URI1: variants seen among roughly 807,000 people sequenced by gnomAD.
The protein encoded by URI1 is URI1 prefoldin like chaperone.
A neutral mutation model predicts 60.2 loss-of-function variants in URI1; 39 were observed. The observed-to-expected ratio is 0.65, with a 90% CI of 0.50 to 0.85. URI1 has a LOEUF of 0.85. Among genes scored for constraint, URI1 ranks in the 40% least tolerant of loss-of-function variants. The pLI is 0.00. For missense variants in URI1, 691 were observed against 665.9 expected (o/e 1.04, Z -0.42); for synonymous variants, 251 against 236.8 (o/e 1.06, Z -0.55).
At chr19:29,995,621 A>G (rs976258991) in intron 4 of URI1, among the ~76,000 whole-genome samples, 4 of 150,358 alleles carry the variant, frequency 2.7e-5, no homozygotes, top group African/African-American at 9.7e-5. Flanking sequence ...ATGCACAAAA[A>G]TTTTTAATTT....
At chr19:29,948,782 C>T (rs1469702477) in intron 1 of URI1, among the ~76,000 whole-genome samples, 1 of 152,186 alleles carries the variant, frequency 6.6e-6, no homozygotes, top group Non-Finnish European at 1.5e-5. Context: ...TTATCTTTTC[C>T]CCACATTTCC....
intron 2 of URI1, among the ~76,000 whole-genome samples, chr19:29,977,558 CTTTTTTTTT>C (rs749382980): frequency 9.8e-5 from 11 of 112,594 alleles, no homozygotes; most frequent in East Asian, 7.6e-4. Flanking sequence ...GTTATTTTTT[CTTTTTTTTT>C]TTTTTTTTCC....
chr19:29,962,708 T>A (rs773476516), intron 1 of URI1, among the ~76,000 whole-genome samples: 11 of 152,108 alleles, frequency 7.2e-5, no homozygotes, highest in Non-Finnish European at 1.5e-4. Flanking sequence ...CGATCACACT[T>A]ATTTAATAAC....
intron 4 of URI1, chr19:30,004,196 A>C (rs2055911757): frequency 6.6e-6 from 1 of 152,028 alleles, no homozygotes; most frequent in African/African-American, 2.4e-5. Context: ...AGATTTTATG[A>C]ACTGTTTACA....
At chr19:29,955,098 A>C (rs1225112525) in intron 1 of URI1, among the ~76,000 whole-genome samples, 1 of 148,586 alleles carries the variant, frequency 6.7e-6, no homozygotes, top group Admixed American at 6.7e-5. Context: ...GGTTCATGCT[A>C]TTCTCCTGCC....
chr19:29,961,265 T>A (rs2055319810), intron 1 of URI1, among the ~76,000 whole-genome samples: 1 of 151,446 alleles, frequency 6.6e-6, no homozygotes, highest in Non-Finnish European at 1.5e-5. Context: ...TTTTTTTTTT[T>A]TAAATCTTGC....
chr19:29,959,926 A>C (rs1360250578), intron 1 of URI1, among the ~76,000 whole-genome samples: 2 of 151,990 alleles, frequency 1.3e-5, no homozygotes, highest in African/African-American at 4.8e-5. Flanking sequence ...TGAGGTTACT[A>C]ATATTAACCT....
chr19:29,936,162 G>A (rs2054970673), intron 1 of URI1, among the ~76,000 whole-genome samples: 1 of 151,916 alleles, frequency 6.6e-6, no homozygotes, highest in African/African-American at 2.4e-5. Flanking sequence ...GGAGTGCAGT[G>A]GTGCAATCTT....
At chr19:29,949,426 CTG>C (rs1252280234) in intron 1 of URI1, among the ~76,000 whole-genome samples, 2 of 148,348 alleles carry the variant, frequency 1.3e-5, no homozygotes, top group Non-Finnish European at 3.0e-5. Context: ...ACTTCCCAGA[CTG>C]GGCAGCCGGG....
rs1413476870 is a variant in URI1 at position 30,007,253 on chromosome 19, G to A, written c.518-217G>A. On this transcript the variant is annotated intron_variant, in intron 6 of 10. Coordinates refer to ENST00000392271, the MANE Select transcript of URI1 (RefSeq NM_003796.3). ...TGTCCTTAGAGCTTACACTTCTGAA[G>A]TGTTCCCCAAGGACGCCAGTGCTGT... is the stretch of plus-strand genomic sequence containing the variant. 2.0e-5 allele frequency among the ~76,000 whole-genome samples: 3 copies of A among 151,996 alleles called. No individual in the cohort carries two copies. In the East Asian group the frequency reaches 5.8e-4, roughly 29 times the overall value.
At chr19:29,947,851 C>T (rs903986869) in intron 1 of URI1, among the ~76,000 whole-genome samples, 3 of 152,054 alleles carry the variant, frequency 2.0e-5, no homozygotes, top group Non-Finnish European at 4.4e-5. Flanking sequence ...TTTAAGAGGT[C>T]TTTCTTACTA....
chr19:29,938,355 T>A (rs1024485929), upstream of URI1, among the ~76,000 whole-genome samples: 1 of 151,502 alleles, frequency 6.6e-6, no homozygotes, highest in African/African-American at 2.4e-5. Flanking sequence ...AAGGAGGAGG[T>A]GCCAGGCTCT....
At chr19:29,992,372 A>G (rs943583066) in intron 4 of URI1, among the ~76,000 whole-genome samples, 1 of 152,166 alleles carries the variant, frequency 6.6e-6, no homozygotes, top group Non-Finnish European at 1.5e-5. Context: ...GCCTGGCCTA[A>G]AGTGAGTTTC....
chr19:30,005,826 C>A, intron 6 of URI1, 118 bp downstream of exon 6: 4 of 882,440 alleles, frequency 4.5e-6, no homozygotes, highest in South Asian at 2.1e-5. Flanking sequence ...TCATAGGATG[C>A]CAACATTTTT....
At chr19:29,934,492 C>A (rs1055148388) in intron 1 of URI1, among the ~76,000 whole-genome samples, 18 of 152,302 alleles carry the variant, frequency 1.2e-4, no homozygotes, top group Middle Eastern at 6.8e-3. Context: ...TCACTACAAT[C>A]CCACGTGGTT....
At chr19:29,957,976 G>A (rs1260843558) in intron 1 of URI1, 1 of 147,972 alleles carries the variant, frequency 6.8e-6, no homozygotes, top group African/African-American at 2.5e-5. Context: ...TTAAAAAATA[G>A]AGATGAGTTT....
At chr19:29,947,125 A>G (rs764031578) in intron 1 of URI1, among the ~76,000 whole-genome samples, 2 of 152,182 alleles carry the variant, frequency 1.3e-5, no homozygotes, top group African/African-American at 2.4e-5. Context: ...TTTAGAGAAG[A>G]GCTTTCTAGC....
At chr19:29,997,799 C>G (rs1413416184) in intron 4 of URI1, among the ~76,000 whole-genome samples, 1 of 152,194 alleles carries the variant, frequency 6.6e-6, no homozygotes, top group Non-Finnish European at 1.5e-5. Context: ...CTCACTCACT[C>G]TGTTGCCCTG....
chr19:29,969,549 A>G (rs550732275), intron 1 of URI1, among the ~76,000 whole-genome samples: 1 of 152,338 alleles, frequency 6.6e-6, no homozygotes, highest in South Asian at 2.1e-4. Context: ...ATGTGTAACT[A>G]GTTAATATGC....
Sources: allele counts gnomAD v4.1 joint callset (sites outside exome capture counted in the v4.1 genomes callset), GRCh38; gene constraint gnomAD v4.1.1; transcripts MANE v1.5; gene names NCBI Gene and HGNC (gene_info 2026-07-23, HGNC 2026-07-21).